GNAQ: variants seen among roughly 807,000 people sequenced by gnomAD.
GNAQ encodes guanine nucleotide-binding protein G(q) subunit alpha.
A neutral mutation model predicts 43.9 loss-of-function variants in GNAQ; 8 were observed. That is an observed-to-expected ratio of 0.18 (90% CI 0.11 to 0.33). The LOEUF is 0.33. Among genes scored for constraint, GNAQ ranks in the 10% least tolerant of loss-of-function variants. The pLI is 1.00. For synonymous variants in GNAQ, 155 were observed against 170.7 expected (o/e 0.91, Z 0.71); for missense variants, 158 against 450.8 (o/e 0.35, Z 5.88).
intron 2 of GNAQ, among the ~76,000 whole-genome samples, chr9:77,860,504 C>A (rs1446258163): frequency 6.6e-6 from 1 of 152,218 alleles, no homozygotes; most frequent in Middle Eastern, 3.4e-3. Flanking sequence ...GAAACTGTTA[C>A]ACCTCAAATC....
chr9:77,998,022 TCTC>T (rs1406188471), intron 1 of GNAQ, among the ~76,000 whole-genome samples: 9 of 152,132 alleles, frequency 5.9e-5, no homozygotes, highest in South Asian at 2.1e-4. Context: ...AACTGCTCTC[TCTC>T]CTCCTCCTTT....
intron 5 of GNAQ, among the ~76,000 whole-genome samples, chr9:77,784,495 G>C (rs1826443679): frequency 1.3e-5 from 2 of 152,042 alleles, no homozygotes; most frequent in African/African-American, 4.8e-5. Flanking sequence ...ATTCAGAATT[G>C]ACAAACTTTA....
At chr9:77,825,315 T>C (rs555380765) in intron 2 of GNAQ, among the ~76,000 whole-genome samples, 2 of 150,326 alleles carry the variant, frequency 1.3e-5, no homozygotes, top group East Asian at 4.2e-4. Flanking sequence ...AAATCTTTCA[T>C]ACCTCCACAG....
chr9:77,801,120 T>G (rs1423785496), intron 3 of GNAQ, among the ~76,000 whole-genome samples: 2 of 152,150 alleles, frequency 1.3e-5, no homozygotes, highest in Admixed American at 6.5e-5. Context: ...CACTCCATAG[T>G]AAAGCACAGA....
At chr9:78,010,464 C>T (rs186152277) in intron 1 of GNAQ, among the ~76,000 whole-genome samples, 11 of 152,204 alleles carry the variant, frequency 7.2e-5, no homozygotes, top group Admixed American at 5.2e-4. Flanking sequence ...ACAGACTTAA[C>T]GACAAATTGG....
At chr9:77,772,074 G>A (rs920841591) in intron 5 of GNAQ, among the ~76,000 whole-genome samples, 3 of 152,128 alleles carry the variant, frequency 2.0e-5, no homozygotes, top group Admixed American at 1.3e-4. Flanking sequence ...GTTTACAATT[G>A]AAGAGCACTG....
At chr9:77,788,794 C>T (rs994662829) in intron 5 of GNAQ, among the ~76,000 whole-genome samples, 1 of 152,164 alleles carries the variant, frequency 6.6e-6, no homozygotes, top group Admixed American at 6.5e-5. Flanking sequence ...CGGTATAAGC[C>T]TATCACACGC....
intron 5 of GNAQ, among the ~76,000 whole-genome samples, chr9:77,743,800 T>C (rs1234343658): frequency 6.6e-6 from 1 of 152,174 alleles, no homozygotes; most frequent in African/African-American, 2.4e-5. Context: ...TCCACCAATA[T>C]CTTCCTTAAG....
intron 2 of GNAQ, among the ~76,000 whole-genome samples, chr9:77,829,775 C>G (rs570414129): frequency 1.3e-5 from 2 of 152,214 alleles, no homozygotes; most frequent in South Asian, 4.2e-4. Flanking sequence ...ATAGGGATCT[C>G]CAGGTTAACA....
At chr9:77,756,839 T>TA (rs552380647) in intron 5 of GNAQ, among the ~76,000 whole-genome samples, 1 of 152,242 alleles carries the variant, frequency 6.6e-6, no homozygotes, top group Non-Finnish European at 1.5e-5. Flanking sequence ...GAAGGGTAAC[T>TA]AAAATCCTTT....
At chr9:78,023,103 T>C (rs911972037) in intron 1 of GNAQ, among the ~76,000 whole-genome samples, 6 of 152,240 alleles carry the variant, frequency 3.9e-5, no homozygotes, top group African/African-American at 1.4e-4. Flanking sequence ...TATCCAGCAC[T>C]GGCTCACTAA....
chr9:77,788,202 T>C (rs1022716975), intron 5 of GNAQ, among the ~76,000 whole-genome samples: 53 of 151,012 alleles, frequency 3.5e-4, no homozygotes, highest in African/African-American at 1.1e-3. Flanking sequence ...TCCTTAGGGG[T>C]TGGGGTGAGA....
chr9:77,917,511 TAA>T (rs1828929773), intron 2 of GNAQ, among the ~76,000 whole-genome samples: 1 of 151,330 alleles, frequency 6.6e-6, no homozygotes, highest in African/African-American at 2.4e-5. Context: ...GAACCTAAAG[TAA>T]AAGTTTTAAA....
chr9:77,800,987 T>C (rs1437477446), intron 3 of GNAQ, among the ~76,000 whole-genome samples: 1 of 152,192 alleles, frequency 6.6e-6, no homozygotes, highest in Non-Finnish European at 1.5e-5. Context: ...CTTAATGCCG[T>C]ACACAGAGGT....
chr9:77,765,515 A>C (rs1387072720), intron 5 of GNAQ, among the ~76,000 whole-genome samples: 5 of 152,238 alleles, frequency 3.3e-5, no homozygotes, highest in Non-Finnish European at 7.3e-5. Context: ...ACACATGAAA[A>C]GCCGTTCGAC....
intron 5 of GNAQ, among the ~76,000 whole-genome samples, chr9:77,774,459 TAAAAG>T (rs1473244552): frequency 1.3e-5 from 2 of 152,074 alleles, no homozygotes; most frequent in African/African-American, 2.4e-5. Context: ...TTTAAAAAAA[TAAAAG>T]AAAAGAAAAA....
intron 1 of GNAQ, among the ~76,000 whole-genome samples, chr9:77,976,694 CT>C (rs1278564069): frequency 6.1e-5 from 9 of 146,826 alleles, no homozygotes; most frequent in African/African-American, 2.2e-4. Context: ...CCGGCCCAGG[CT>C]TGTTTTTTAA....
chr9:77,747,365 C>A (rs1004930052), intron 5 of GNAQ, among the ~76,000 whole-genome samples: 11 of 152,236 alleles, frequency 7.2e-5, no homozygotes, highest in South Asian at 2.1e-4. Flanking sequence ...AACCTTTTAA[C>A]TCCTACTTTT....
intron 2 of GNAQ, among the ~76,000 whole-genome samples, chr9:77,823,071 C>G (rs1419942122): frequency 6.6e-6 from 1 of 152,014 alleles, no homozygotes; most frequent in Non-Finnish European, 1.5e-5. Flanking sequence ...TCCTGAGTAG[C>G]TGGGACTACA....
Sources: allele counts gnomAD v4.1 joint callset (sites outside exome capture counted in the v4.1 genomes callset), GRCh38; gene constraint gnomAD v4.1.1; transcripts MANE v1.5; gene names NCBI Gene and HGNC (gene_info 2026-07-23, HGNC 2026-07-21).